The following MYO1G variants were observed in gnomAD, a reference collection of about 807,000 sequenced individuals.
MYO1G encodes the protein myosin IG, also known as unconventional myosin-Ig.
A neutral mutation model predicts 115.3 loss-of-function variants in MYO1G; 65 were observed. The observed-to-expected ratio is 0.56, with a 90% CI of 0.46 to 0.69. The LOEUF is 0.69. MYO1G is among the 30% of genes least tolerant of loss of function. MYO1G has a pLI of 0.00. For missense variants in MYO1G, 1,204 were observed against 1,393.5 expected, an observed-to-expected ratio of 0.86 and a Z score of 2.16; for synonymous variants, 510 against 552.6, an observed-to-expected ratio of 0.92 and a Z score of 1.08.
chr7:44,976,433 C>T, intron 3 of MYO1G, 131 bp downstream of exon 3: 1 of 839,650 alleles, frequency 1.2e-6, no homozygotes, highest in Non-Finnish European at 1.9e-6. Context: ...GGAAACTTCC[C>T]AAGTTCCCAC....
chr7:44,970,196 G>A (rs1447973105), intron 9 of MYO1G, 42 bp from the exon 10 acceptor site: 5 of 1,365,016 alleles, frequency 3.7e-6, no homozygotes, highest in South Asian at 1.2e-5. Flanking sequence ...GTCGCTGCTT[G>A]TGGAGTGCAT....
intron 5 of MYO1G, 92 bp downstream of exon 5, chr7:44,975,082 G>A (rs1274546114): frequency 2.3e-6 from 3 of 1,312,940 alleles, no homozygotes; most frequent in African/African-American, 1.5e-5. Context: ...GGGGGAATTG[G>A]GGTAGTGATG....
At position 44,966,518 on chromosome 7, in the gene MYO1G, T is replaced by A. The variant is rs1277263606; in HGVS notation, c.1949+154A>T. The A allele has an allele frequency of 6.2e-6, 6 of 960,574 alleles. No homozygotes were observed. The highest frequency in any genetic ancestry group is 9.7e-6 in the Non-Finnish European group (6 of 616,684). The allele number at this position is 960,574 out of a possible 1,614,324, so 59.5% of individuals were successfully genotyped here. A position where few individuals can be genotyped will look rare whatever the true frequency, so the allele number is the denominator to read the frequency against. ...ACATGCATGTGCTCACACACATGTC[T>A]TCCCAGATATTTTGGTGTCTTGAGG... On this transcript the variant is annotated intron_variant, in intron 15 of 21. Coordinates refer to ENST00000258787, the MANE Select transcript of MYO1G (RefSeq NM_033054.3). The surrounding 1 kb of genome is among the most constrained non-coding windows in gnomAD (Gnocchi z 5.0).
At chr7:44,972,409 G>T in intron 5 of MYO1G, 184 bp from the exon 6 acceptor site, 1 of 578,128 alleles carries the variant, frequency 1.7e-6, no homozygotes, top group Non-Finnish European at 3.1e-6. Context: ...CTGTTCAGTG[G>T]GTCAGGGAGC....
In MYO1G at chr7:44,963,227, C is replaced by T; in HGVS notation, c.2746-103G>A. On this transcript the variant is annotated intron_variant, in intron 20 of 21. Transcript: ENST00000258787. This position sits in a 1 kb window ranked among gnomAD's most constrained non-coding sequence, Gnocchi z 4.1. The stretch of plus-strand genomic sequence containing the variant: ...AGCCTCTGCCGAACCCCCAACCGCA[C>T]CCGGGGAGCGCCGCCCTCGCCAGGG... 5 of 1,340,660 alleles carry T rather than the reference C, an allele frequency of 3.7e-6. No homozygotes were observed. The highest frequency in any genetic ancestry group is 3.1e-5 in the East Asian group (1 of 32,352). 83.0% of individuals were successfully genotyped at this position (1,340,660 alleles called of 1,614,324 possible). A position where few individuals can be genotyped will look rare whatever the true frequency, so the allele number is the denominator to read the frequency against.
chr7:44,965,247 C>T (rs906286361), intron 17 of MYO1G, among the ~76,000 whole-genome samples, 158 bp from the exon 18 acceptor site: 7 of 152,254 alleles, frequency 4.6e-5, no homozygotes, highest in Admixed American at 2.0e-4. Flanking sequence ...TTGTGCCTAA[C>T]GCTTGTTCCT....
chr7:44,965,531 G>T, intron 17 of MYO1G, 106 bp downstream of exon 17: 1 of 1,072,676 alleles, frequency 9.3e-7, no homozygotes. Context: ...CACCTATCAA[G>T]GGGGCTGGTG....
In MYO1G at chr7:44,963,649, G is replaced by A. The variant is rs2128700817; in HGVS notation, c.2745+400C>T. On this transcript the variant is annotated intron_variant, in intron 20 of 21. Coordinates refer to ENST00000258787, the MANE Select transcript of MYO1G (RefSeq NM_033054.3). This position sits in a 1 kb window ranked among gnomAD's most constrained non-coding sequence, Gnocchi z 4.1. Reference sequence around the variant, plus strand: ...GGAACAGCAGCTGCTAATGAAGGGAGCAAGTAGGCCACAGAGCTCGGCAGA... The same window carrying A: ...GGAACAGCAGCTGCTAATGAAGGGAACAAGTAGGCCACAGAGCTCGGCAGA... 4.6e-6 allele frequency: 1 copy of A among 218,754 alleles called. No individual in the cohort carries two copies. Among genetic ancestry groups the A allele is most frequent in the South Asian group, 1.0e-4 (1 of 9,852 alleles). 13.6% of individuals were successfully genotyped at this position (218,754 alleles called of 1,614,324 possible). A position where few individuals can be genotyped will look rare whatever the true frequency, so the allele number is the denominator to read the frequency against.
chr7:44,963,819 G>C lies in MYO1G; in HGVS notation c.2745+230C>G, dbSNP rs984543642. On this transcript the variant is annotated intron_variant, in intron 20 of 21. Transcript: ENST00000258787. The surrounding 1 kb of genome is among the most constrained non-coding windows in gnomAD (Gnocchi z 4.1). ...CATTTGGCTTGGCTAGAGTGTGAGA[G>C]TGGGGGTGGGGGGTGACTGGGCTGG... 6 of 548,460 alleles carry C rather than the reference G, an allele frequency of 1.1e-5. No homozygotes were observed. The African/African-American group carries it at 1.1e-4, about 10-fold the overall frequency. The allele number at this position is 548,460 out of a possible 1,614,324, so 34.0% of individuals were successfully genotyped here.
At position 44,970,574 on chromosome 7, in the gene MYO1G, G is replaced by A; in HGVS notation, c.1217+18C>T. 1 of 1,612,096 alleles carries A rather than the reference G, an allele frequency of 6.2e-7. No individual in the cohort carries two copies. The highest frequency in any genetic ancestry group is 1.1e-5 in the South Asian group (1 of 91,076). ...TGCTGGGTGTCAGAGGTGGAGATGT[G>A]GCTGGCCAGCCACCCACCTGTTGAC... is the stretch of plus-strand genomic sequence containing the variant. On this transcript the variant is annotated intron_variant, in intron 9 of 21. Coordinates refer to ENST00000258787, the MANE Select transcript of MYO1G (RefSeq NM_033054.3).
intron 14 of MYO1G, among the ~76,000 whole-genome samples, chr7:44,967,100 TC>T: frequency 6.6e-6 from 1 of 152,294 alleles, no homozygotes; most frequent in South Asian, 2.1e-4. Flanking sequence ...CCTCGCCCCA[TC>T]TGCCTTCCTT....
intron 9 of MYO1G, 81 bp downstream of exon 9, chr7:44,970,511 A>C: frequency 6.4e-7 from 1 of 1,569,946 alleles, no homozygotes; most frequent in South Asian, 1.2e-5. Context: ...CCTGCTGCCC[A>C]GCCCCAGCCG....
chr7:44,975,359 G>T, intron 4 of MYO1G, 125 bp downstream of exon 4: 1 of 1,486,304 alleles, frequency 6.7e-7, no homozygotes, highest in Non-Finnish European at 9.4e-7. Context: ...GAGGCCCAGA[G>T]AAGGGCCACA....
Position 44,963,117 on chromosome 7 carries a change from C to G in MYO1G, c.2753G>C (p.Gly918Ala). ...GTCTCCTCCGCTGGTCACGCTCAGC[C>G]CCGTCACCTGAGCGGAGCGCGGGGT... Reference protein sequence around the residue: ...MRAVPLEAVTGLSVTSGGDQL... With the variant: ...MRAVPLEAVTALSVTSGGDQL... Residue 918 changes from glycine to alanine, a missense_variant, in exon 21 of 22, where the codon GGG becomes GCG. Physicochemically the swap from Gly to Ala is moderately conservative, Grantham distance 60. Transcript: ENST00000258787. This position sits in a 1 kb window ranked among gnomAD's most constrained non-coding sequence, Gnocchi z 4.1. 1 of 1,481,990 alleles carries G rather than the reference C, an allele frequency of 6.7e-7. No homozygotes were observed. The highest frequency in any genetic ancestry group is 1.3e-5 in the South Asian group (1 of 78,894). The allele number at this position is 1,481,990 out of a possible 1,614,324, so 91.8% of individuals were successfully genotyped here. A position where few individuals can be genotyped will look rare whatever the true frequency, so the allele number is the denominator to read the frequency against.
In MYO1G at chr7:44,963,070, G is replaced by T. The variant is rs774701688; in HGVS notation, c.2800C>A (p.Arg934Ser). 6.6e-7 allele frequency: 1 copy of T among 1,521,232 alleles called. No homozygotes were observed. The highest frequency in any genetic ancestry group is 8.8e-7 in the Non-Finnish European group (1 of 1,140,114). The allele number at this position is 1,521,232 out of a possible 1,614,324, so 94.2% of individuals were successfully genotyped here. A position where few individuals can be genotyped will look rare whatever the true frequency, so the allele number is the denominator to read the frequency against. Residue 934 changes from arginine to serine, a missense_variant, in exon 21 of 22, where the codon CGC (arginine) becomes AGC (serine). Physicochemically the swap from Arg to Ser is moderately radical, Grantham distance 110. Coordinates refer to ENST00000258787, the MANE Select transcript of MYO1G (RefSeq NM_033054.3). This position sits in a 1 kb window ranked among gnomAD's most constrained non-coding sequence, Gnocchi z 4.1. ...CACACCACGAGGTCGTCCTGGCCGC[G>T]GGCGTGCAGCACCACCAGCTGGTCT... ...GGDQLVVLHA[R>S]GQDDLVVCLH...
At chr7:44,967,767 C>T (rs1794873691) in intron 13 of MYO1G, 30 bp from the exon 14 acceptor site, 1 of 1,612,582 alleles carries the variant, frequency 6.2e-7, no homozygotes, top group South Asian at 1.1e-5. Context: ...TCCCAGCCAT[C>T]CTCTGGGAGA....
intron 5 of MYO1G, chr7:44,972,845 A>G (rs1156731697): frequency 6.6e-6 from 1 of 152,670 alleles, no homozygotes; most frequent in Non-Finnish European, 1.5e-5. Flanking sequence ...CCATGGAGAC[A>G]CTGCCTGTGT....
intron 12 of MYO1G, 77 bp from the exon 13 acceptor site, chr7:44,968,035 C>T (rs1562829080): frequency 5.0e-6 from 6 of 1,204,304 alleles, no homozygotes; most frequent in Non-Finnish European, 7.3e-6. Context: ...CAGCAGCCCC[C>T]ACTCTCTTCC....
rs1291140696 is a variant in MYO1G, at chr7:44,963,738, G to T, written c.2745+311C>A. On this transcript the variant is annotated intron_variant, in intron 20 of 21. Transcript: ENST00000258787. This position sits in a 1 kb window ranked among gnomAD's most constrained non-coding sequence, Gnocchi z 4.1. Reference sequence around the variant, plus strand: ...CCAGAACATTGTGGTGGGTACTCAGGTCCCAGAATGCCCAGGTGGGAGAAC... The same window carrying T: ...CCAGAACATTGTGGTGGGTACTCAGTTCCCAGAATGCCCAGGTGGGAGAAC... 6 of 388,340 alleles carry T rather than the reference G, an allele frequency of 1.5e-5. No homozygotes were observed. The highest frequency in any genetic ancestry group is 2.9e-5 in the Non-Finnish European group (6 of 209,472). 24.1% of individuals were successfully genotyped at this position (388,340 alleles called of 1,614,324 possible).
Sources: allele counts gnomAD v4.1 joint callset (sites outside exome capture counted in the v4.1 genomes callset), GRCh38; gene constraint gnomAD v4.1.1; non-coding constraint Gnocchi (gnomAD v3.1); transcripts MANE v1.5; gene names NCBI Gene and HGNC (gene_info 2026-07-23, HGNC 2026-07-21).